Variants in NEAT1 observed in about 807,000 individuals in gnomAD.
The protein encoded by NEAT1 is MENepsilon/beta.
At chr11:65,427,071 A>C (rs1312576118) in exon 1 of NEAT1, 1 of 152,050 alleles carries the variant, frequency 6.6e-6, no homozygotes, top group Non-Finnish European at 1.5e-5. Flanking sequence ...TGTGCGTGCT[A>C]CAGTAAGCAA....
exon 1 of NEAT1, chr11:65,423,555 T>C (rs1856524805): frequency 1.3e-5 from 2 of 152,304 alleles, no homozygotes; most frequent in African/African-American, 2.4e-5. Context: ...CCTAGCATGT[T>C]TGACAGGCGG....
chr11:65,427,441 A>G (rs1856572417), exon 1 of NEAT1: 1 of 152,424 alleles, frequency 6.6e-6, no homozygotes, highest in South Asian at 2.1e-4. Flanking sequence ...TTTCCTTCCC[A>G]TGAGCTGCAG....
At chr11:65,435,981 C>T (rs1459039449) in exon 1 of NEAT1, 1 of 152,224 alleles carries the variant, frequency 6.6e-6, no homozygotes, top group Admixed American at 6.5e-5. Flanking sequence ...TTGTTGAAAT[C>T]TTAAGTGGCA....
exon 1 of NEAT1, chr11:65,429,717 CTTG>C (rs1856597456): frequency 6.6e-6 from 1 of 152,064 alleles, no homozygotes. Context: ...GGTTTCTGAA[CTTG>C]TTATGTGTAG....
chr11:65,437,037 G>A (rs1446100208), exon 1 of NEAT1: 1 of 151,788 alleles, frequency 6.6e-6, no homozygotes, highest in Non-Finnish European at 1.5e-5. Flanking sequence ...GTATTTAATT[G>A]TAGTTTGGAT....
At chr11:65,437,875 G>A (rs1026598288) in exon 1 of NEAT1, 1 of 152,116 alleles carries the variant, frequency 6.6e-6, no homozygotes, top group Non-Finnish European at 1.5e-5. Flanking sequence ...CAGTTCAGTG[G>A]TCTTTGCAGT....
At chr11:65,443,707 C>G (rs751942060) in exon 1 of NEAT1, 1 of 152,188 alleles carries the variant, frequency 6.6e-6, no homozygotes, top group Non-Finnish European at 1.5e-5. Context: ...GTTTGCAACC[C>G]CACTGGCCAG....
chr11:65,440,669 C>G (rs551895271), exon 1 of NEAT1: 11 of 150,946 alleles, frequency 7.3e-5, no homozygotes, highest in African/African-American at 2.2e-4. Flanking sequence ...ATAGTGAAAC[C>G]CCGTCTTTAC....
At chr11:65,423,097 T>C (rs573257212) in exon 1 of NEAT1, 2 of 152,322 alleles carry the variant, frequency 1.3e-5, no homozygotes, top group South Asian at 2.0e-4. Context: ...CGCTCTTGCA[T>C]AGCTGAGCGA....
At chr11:65,425,698 G>A (rs1856554240) in exon 1 of NEAT1, 1 of 152,142 alleles carries the variant, frequency 6.6e-6, no homozygotes, top group Non-Finnish European at 1.5e-5. Context: ...TGAGCGAAGT[G>A]AAATTGCATT....
exon 1 of NEAT1, chr11:65,443,278 G>A (rs756289731): frequency 1.6e-4 from 25 of 152,362 alleles, no homozygotes; most frequent in Non-Finnish European, 3.1e-4. Context: ...TAACGCCCCC[G>A]TCTGTGGACT....
chr11:65,439,163 T>G (rs1435700651), exon 1 of NEAT1: 1 of 152,214 alleles, frequency 6.6e-6, no homozygotes, highest in Non-Finnish European at 1.5e-5. Context: ...CTGGTGCTGT[T>G]GGCCATATGT....
exon 1 of NEAT1, chr11:65,440,469 A>T (rs1590675712): frequency 6.6e-6 from 1 of 151,720 alleles, no homozygotes; most frequent in South Asian, 2.1e-4. Flanking sequence ...TCAAAAAAAA[A>T]CAAAAACGAC....
chr11:65,433,025 C>A (rs1349808667), exon 1 of NEAT1: 1 of 149,886 alleles, frequency 6.7e-6, no homozygotes, highest in Non-Finnish European at 1.5e-5. Flanking sequence ...AAAAAAAAAC[C>A]ACAAACATTA....
chr11:65,440,855 A>C (rs1264332958), exon 1 of NEAT1: 1 of 151,930 alleles, frequency 6.6e-6, no homozygotes. Context: ...AAAAAAAAAA[A>C]AAAAAAAAAC....
At chr11:65,438,414 T>A (rs1856684676) in exon 1 of NEAT1, 1 of 152,260 alleles carries the variant, frequency 6.6e-6, no homozygotes. Context: ...TTTTGAAATG[T>A]TCTATTCAGT....
exon 1 of NEAT1, chr11:65,430,697 T>C (rs1856607090): frequency 6.6e-6 from 1 of 152,312 alleles, no homozygotes; most frequent in African/African-American, 2.4e-5. Flanking sequence ...GTAAATTTAG[T>C]GTACACATGT....
exon 1 of NEAT1, chr11:65,426,322 T>C (rs1856561071): frequency 6.6e-6 from 1 of 152,182 alleles, no homozygotes; most frequent in Admixed American, 6.5e-5. Flanking sequence ...TTACTGTCGT[T>C]GGGATTTAGA....
exon 1 of NEAT1, chr11:65,424,650 A>G (rs1343834957): frequency 6.6e-6 from 1 of 152,168 alleles, no homozygotes; most frequent in Non-Finnish European, 1.5e-5. Flanking sequence ...GTTGTGCTAA[A>G]CGCTGGGAGG....
Sources: gnomAD v4.1 joint callset for allele counts on GRCh38, gnomAD v4.1.1 for gene constraint, MANE v1.5 for transcripts, NCBI Gene and HGNC (gene_info 2026-07-23, HGNC 2026-07-21) for gene names.